The following ATP8B1 variants were observed in gnomAD, a reference collection of about 807,000 sequenced individuals.
The protein encoded by ATP8B1 is phospholipid-transporting ATPase IC.
In ATP8B1, 80 loss-of-function variants were observed where a neutral mutation model predicts 149.9. The ratio of observed to expected loss-of-function variants is 0.53; its 90% CI spans 0.45 to 0.64. The LOEUF is 0.64. Among genes scored for constraint, ATP8B1 ranks in the 30% least tolerant of loss-of-function variants. ATP8B1 has a pLI of 0.00. For synonymous variants in ATP8B1, 536 were observed against 562.8 expected (o/e 0.95, Z 0.67); for missense variants, 1,247 against 1,552.6 (o/e 0.80, Z 3.31).
chr18:57,650,164 G>C (rs1909509598), intron 27 of ATP8B1, among the ~76,000 whole-genome samples: 1 of 152,096 alleles, frequency 6.6e-6, no homozygotes, highest in Non-Finnish European at 1.5e-5. Flanking sequence ...TTTATGTTTG[G>C]TAATTTTTGT....
intron 1 of ATP8B1, among the ~76,000 whole-genome samples, chr18:57,767,982 G>C (rs192963901): frequency 1.4e-4 from 22 of 152,106 alleles, no homozygotes; most frequent in Middle Eastern, 6.8e-3. Flanking sequence ...TATACACAGA[G>C]AGCTCTAAAT....
intron 13 of ATP8B1, among the ~76,000 whole-genome samples, chr18:57,687,773 ATT>A (rs11342488): frequency 0.051 from 4,822 of 95,054 alleles, 100 homozygotes; most frequent in Middle Eastern, 0.1. Context: ...GAGACTTCTA[ATT>A]TTTTTTTTTT....
chr18:57,798,055 C>T (rs751442501), intron 1 of ATP8B1, among the ~76,000 whole-genome samples: 1 of 152,028 alleles, frequency 6.6e-6, no homozygotes, highest in Non-Finnish European at 1.5e-5. Flanking sequence ...CCTCTGTGAA[C>T]CCCACAGACT....
chr18:57,666,957 C>T, intron 20 of ATP8B1, 135 bp downstream of exon 20: 1 of 784,386 alleles, frequency 1.3e-6, no homozygotes. Flanking sequence ...TGTCTTGCCT[C>T]ATTTAAACAT....
In ATP8B1 at chr18:57,652,312, T is replaced by C. The variant is rs1260837434; in HGVS notation, c.3262-140A>G. The C allele has an allele frequency of 4.1e-6, 6 of 1,448,682 alleles. No homozygotes were observed. The Admixed American group carries it at 9.5e-5, about 23-fold the overall frequency. 89.7% of individuals were successfully genotyped at this position (1,448,682 alleles called of 1,614,324 possible). ...ACTGGACCAGAAACTAAACCATCCT[T>C]GACTCAGGCAAGAAATAGAAAATGT... On this transcript the variant is annotated intron_variant, in intron 25 of 27. Coordinates refer to ENST00000648908, the MANE Select transcript of ATP8B1 (RefSeq NM_001374385.1).
intron 1 of ATP8B1, among the ~76,000 whole-genome samples, chr18:57,738,872 C>T (rs994813428): frequency 2.0e-5 from 3 of 151,922 alleles, no homozygotes; most frequent in Non-Finnish European, 2.9e-5. Flanking sequence ...TTATGGCCCC[C>T]GAAGTCATAT....
intron 1 of ATP8B1, among the ~76,000 whole-genome samples, chr18:57,760,177 C>T (rs1054464233): frequency 1.3e-5 from 2 of 152,168 alleles, no homozygotes; most frequent in African/African-American, 2.4e-5. Flanking sequence ...ATTATCCTCC[C>T]ACATAGTGAT....
rs1156831739 is a variant in ATP8B1, at chr18:57,784,828, CT to C, written c.-26+18169del. Among the ~76,000 whole-genome samples the C allele has an allele frequency of 5.3e-5, 8 of 152,174 alleles. No individual in the cohort carries two copies. Among genetic ancestry groups the C allele is most frequent in the African/African-American group, 1.9e-4 (8 of 41,450 alleles). On this transcript the variant is annotated intron_variant, in intron 1 of 27. Coordinates refer to ENST00000648908, the MANE Select transcript of ATP8B1 (RefSeq NM_001374385.1). This position sits in a 1 kb window ranked among gnomAD's most constrained non-coding sequence, Gnocchi z 4.4. ...ATACTTCTTTGTTGTAGAGGCTGAG[CT>C]GCATATTGTAGGATATTTAGAAGTA...
chr18:57,739,661 C>G (rs2079891056), intron 1 of ATP8B1, among the ~76,000 whole-genome samples: 1 of 152,160 alleles, frequency 6.6e-6, no homozygotes, highest in Non-Finnish European at 1.5e-5. Context: ...CACATGGTAA[C>G]AGATTCACAA....
chr18:57,673,652 A>C (rs456772), intron 16 of ATP8B1, among the ~76,000 whole-genome samples: 1 of 149,354 alleles, frequency 6.7e-6, no homozygotes, highest in Non-Finnish European at 1.5e-5. Context: ...ATATATAATG[A>C]AATTACATAT....
In ATP8B1 at chr18:57,688,300, A is replaced by G. The variant is rs1912357427; in HGVS notation, c.1428T>C (p.Tyr476=). Residue 476 remains tyrosine (Y), a splice_region_variant and synonymous_variant, in exon 13 of 28, where the codon TAT becomes TAC. Transcript: ENST00000648908. ...FKKCCINGQI[Y]GDHRDASQHN... is the part of the protein sequence containing the mutation. ...AAATGAGTGACGGCTTCCACTTACC[A>G]TATATCTGCCCGTTGATACAGCACT... is the stretch of plus-strand genomic sequence containing the variant. The G allele has an allele frequency of 3.1e-6, 5 of 1,613,886 alleles. No homozygotes were observed. Among genetic ancestry groups the G allele is most frequent in the Non-Finnish European group, 3.4e-6 (4 of 1,179,886 alleles).
At chr18:57,724,413 AAAC>A (rs2079682928) in intron 2 of ATP8B1, among the ~76,000 whole-genome samples, 2 of 97,272 alleles carry the variant, frequency 2.1e-5, no homozygotes, top group Admixed American at 1.2e-4. Context: ...AGAAAAAAAC[AAAC>A]AACCCCATCA....
intron 6 of ATP8B1, among the ~76,000 whole-genome samples, chr18:57,698,177 A>C (rs1912921318): frequency 6.6e-6 from 1 of 152,086 alleles, no homozygotes; most frequent in Non-Finnish European, 1.5e-5. Context: ...CTTATGTCCA[A>C]CTTGCCTCCC....
chr18:57,766,322 A>G (rs553666537), intron 1 of ATP8B1, among the ~76,000 whole-genome samples: 1 of 152,062 alleles, frequency 6.6e-6, no homozygotes, highest in African/African-American at 2.4e-5. Flanking sequence ...ATAACAATAA[A>G]TTTTTTTTAA....
intron 17 of ATP8B1, among the ~76,000 whole-genome samples, chr18:57,670,355 C>CTTT (rs370444079): frequency 7.2e-6 from 1 of 139,694 alleles, no homozygotes; most frequent in Non-Finnish European, 1.6e-5. Flanking sequence ...TTTTCTTTTT[C>CTTT]TTTTTTTTTT....
intron 13 of ATP8B1, among the ~76,000 whole-genome samples, chr18:57,685,713 C>T (rs905848076): frequency 6.6e-6 from 1 of 151,542 alleles, no homozygotes; most frequent in African/African-American, 2.4e-5. Flanking sequence ...GGGCTGATCA[C>T]CTGAGGTCAG....
At chr18:57,742,121 C>T (rs1472470901) in intron 1 of ATP8B1, among the ~76,000 whole-genome samples, 2 of 152,236 alleles carry the variant, frequency 1.3e-5, no homozygotes, top group Middle Eastern at 3.4e-3. Context: ...CCACCCACCT[C>T]GGCCTCCCAA....
At chr18:57,756,436 G>T (rs2080085278) in intron 1 of ATP8B1, among the ~76,000 whole-genome samples, 1 of 151,128 alleles carries the variant, frequency 6.6e-6, no homozygotes, top group Admixed American at 6.6e-5. Flanking sequence ...AAGTAGCTGG[G>T]ATTACAGGCG....
chr18:57,734,667 A>G (rs2079828162), intron 1 of ATP8B1, among the ~76,000 whole-genome samples: 1 of 152,190 alleles, frequency 6.6e-6, no homozygotes, highest in African/African-American at 2.4e-5. Flanking sequence ...GCACAGTTCT[A>G]AAGAGCCCTA....
Sources: allele counts gnomAD v4.1 joint callset (sites outside exome capture counted in the v4.1 genomes callset), GRCh38; gene constraint gnomAD v4.1.1; non-coding constraint Gnocchi (gnomAD v3.1); transcripts MANE v1.5; gene names NCBI Gene and HGNC (gene_info 2026-07-23, HGNC 2026-07-21).